Variants in FGD6 observed in about 807,000 individuals in gnomAD.
FGD6 encodes the protein FYVE, RhoGEF and PH domain-containing protein 6.
Under a neutral mutation model 149.4 loss-of-function variants are expected in FGD6, and 90 were observed. That is an observed-to-expected ratio of 0.60 (90% CI 0.51 to 0.72). The LOEUF (loss-of-function observed/expected upper bound fraction) is 0.72, where lower values mean the gene tolerates loss of function less well. Among genes scored for constraint, FGD6 ranks in the 30% least tolerant of loss-of-function variants. The pLI, the probability that FGD6 is intolerant of heterozygous loss-of-function variation, is 0.00. For missense variants in FGD6, 1,437 were observed against 1,684.8 expected, an observed-to-expected ratio of 0.85 and a Z score of 2.57; for synonymous variants, 527 against 584.0, an observed-to-expected ratio of 0.90 and a Z score of 1.41.
At chr12:95,156,326 C>T (rs1880467768) in intron 3 of FGD6, among the ~76,000 whole-genome samples, 1 of 152,148 alleles carries the variant, frequency 6.6e-6, no homozygotes, top group Non-Finnish European at 1.5e-5. Flanking sequence ...AAAGAGAATG[C>T]ATCCCTGAGG....
chr12:95,091,332 G>A (rs941501906), intron 17 of FGD6, among the ~76,000 whole-genome samples: 28 of 152,166 alleles, frequency 1.8e-4, no homozygotes, highest in African/African-American at 6.3e-4. Flanking sequence ...TTAAGCTAAC[G>A]AAGTGCCACC....
intron 9 of FGD6, among the ~76,000 whole-genome samples, chr12:95,113,427 G>A (rs1343079436): frequency 2.6e-5 from 4 of 151,752 alleles, no homozygotes; most frequent in Non-Finnish European, 1.5e-5. Context: ...GTAGAGAAGG[G>A]GTTTCACCAT....
chr12:95,146,133 T>A (rs1880009776), intron 5 of FGD6, among the ~76,000 whole-genome samples: 1 of 152,176 alleles, frequency 6.6e-6, no homozygotes, highest in Admixed American at 6.5e-5. Context: ...TGGGCCACCA[T>A]TTCCTGACAG....
At chr12:95,145,480 C>T (rs1006694912) in intron 5 of FGD6, among the ~76,000 whole-genome samples, 1 of 152,098 alleles carries the variant, frequency 6.6e-6, no homozygotes, top group Non-Finnish European at 1.5e-5. Context: ...CTGGCTGGTC[C>T]GTCTTCAGCA....
At chr12:95,083,890 T>C (rs1283912987) in intron 20 of FGD6, among the ~76,000 whole-genome samples, 1 of 152,206 alleles carries the variant, frequency 6.6e-6, no homozygotes, top group African/African-American at 2.4e-5. Flanking sequence ...AGACCTAATT[T>C]CACAGAGGTA....
At position 95,102,455 on chromosome 12, in the gene FGD6, A is replaced by AC. The variant is rs1230392606; in HGVS notation, c.3497+2551_3497+2552insG. 3.1e-4 allele frequency among the ~76,000 whole-genome samples: 46 copies of AC among 150,614 alleles called. 1 individual carries two copies. The highest frequency in any genetic ancestry group is 1.1e-3 in the African/African-American group (45 of 40,548). On this transcript the variant is annotated intron_variant, in intron 14 of 20. Transcript: ENST00000343958. ...CGAGACCCTTTCTCAAAAAAAAAAA[A>AC]AAAAAAAAAAAACACAACAACAATA...
intron 5 of FGD6, among the ~76,000 whole-genome samples, chr12:95,148,494 A>AATATAATATATAGCATATATTATATATT (rs1880079898): frequency 1.8e-5 from 2 of 110,698 alleles, no homozygotes; most frequent in Non-Finnish European, 3.8e-5. Context: ...ATATATATAT[A>AATATAATATATAGCATATATTATATATT]ATATAATATA....
At chr12:95,131,028 C>G (rs1197981962) in intron 8 of FGD6, among the ~76,000 whole-genome samples, 4 of 150,870 alleles carry the variant, frequency 2.7e-5, no homozygotes, top group African/African-American at 9.8e-5. Context: ...TTGTGCCTTT[C>G]TTTTTAGGAG....
intron 15 of FGD6, among the ~76,000 whole-genome samples, chr12:95,093,097 T>C (rs1177449680): frequency 2.0e-5 from 3 of 152,118 alleles, no homozygotes. Context: ...GGCGGGTGCC[T>C]GTGATCCCAG....
rs9943704 is a variant in FGD6 at position 95,083,034 on chromosome 12, C to T, written c.4256+1464G>A. On this transcript the variant is annotated intron_variant, in intron 20 of 20. Coordinates refer to ENST00000343958, the MANE Select transcript of FGD6 (RefSeq NM_018351.4). ...AAAAATATATATATATATATATACA[C>T]ACACATACACACACACACACACACA... Among the ~76,000 whole-genome samples, 203 of 69,522 alleles carry T rather than the reference C, an allele frequency of 2.9e-3. 3 individuals carry two copies. Among genetic ancestry groups the T allele is most frequent in the African/African-American group, 9.3e-3 (154 of 16,500 alleles). 45.6% of individuals were successfully genotyped at this position (69,522 alleles called of 152,430 possible). A position where few individuals can be genotyped will look rare whatever the true frequency, so the allele number is the denominator to read the frequency against.
Position 95,217,207 on chromosome 12 carries a change from G to A in FGD6, c.16+18C>T, listed in dbSNP as rs1476137781. 2.5e-6 allele frequency: 4 copies of A among 1,612,228 alleles called. No individual in the cohort carries two copies. Among genetic ancestry groups the A allele is most frequent in the Non-Finnish European group, 3.4e-6 (4 of 1,178,920 alleles). On this transcript the variant is annotated intron_variant, in intron 1 of 20. Transcript: ENST00000343958. ...TCGCCACAAACTTTCCCGCGGCAGC[G>A]CGAGCGCCGTCACTTACCGGCTGCA...
At position 95,127,284 on chromosome 12, in the gene FGD6, G is replaced by A. The variant is rs192760946; in HGVS notation, c.3082+7455C>T. Among the ~76,000 whole-genome samples, 150 of 152,284 alleles carry A rather than the reference G, an allele frequency of 9.9e-4. 2 individuals carry two copies. Among genetic ancestry groups the A allele is most frequent in the African/African-American group, 3.5e-3 (144 of 41,548 alleles). The stretch of plus-strand genomic sequence containing the variant: ...TTAGCGGCTGGGCGTGGTGGCTCAC[G>A]CCTGTAATCCCAGCAGTTAGGGAGG... On this transcript the variant is annotated intron_variant, in intron 8 of 20. Transcript: ENST00000343958.
At chr12:95,198,085 T>C (rs1881775810) in intron 2 of FGD6, among the ~76,000 whole-genome samples, 1 of 152,212 alleles carries the variant, frequency 6.6e-6, no homozygotes, top group Non-Finnish European at 1.5e-5. Flanking sequence ...CAGAAATAGT[T>C]TGTCCCTTGT....
rs1279151435 is a variant in FGD6, at chr12:95,153,940, TGTGTGTGAGTGAGAGA to T, written c.2587-963_2587-948del. On this transcript the variant is annotated intron_variant, in intron 3 of 20. Coordinates refer to ENST00000343958, the MANE Select transcript of FGD6 (RefSeq NM_018351.4). ...GTGTGTGTGTGTGTGTGTGTGTGTG[TGTGTGTGAGTGAGAGA>T]GAGAAGAGACAGAGAGAGAGAGAGA... Among the ~76,000 whole-genome samples the T allele has an allele frequency of 2.3e-5, 3 of 131,350 alleles. No individual in the cohort carries two copies. The East Asian group carries it at 6.6e-4, about 29-fold the overall frequency. The allele number at this position is 131,350 out of a possible 152,430, so 86.2% of individuals were successfully genotyped here. A position where few individuals can be genotyped will look rare whatever the true frequency, so the allele number is the denominator to read the frequency against.
At chr12:95,088,769 C>G (rs979671839) in intron 18 of FGD6, among the ~76,000 whole-genome samples, 2 of 152,158 alleles carry the variant, frequency 1.3e-5, no homozygotes, top group Admixed American at 1.3e-4. Flanking sequence ...AGTATGGATA[C>G]GTGCTGTAAT....
In FGD6 at chr12:95,091,606, A is replaced by G. The variant is rs1261005862; in HGVS notation, c.3850+101T>C. On this transcript the variant is annotated intron_variant, in intron 17 of 20. Transcript: ENST00000343958. ...TACAAATTTGGAGATAAGTATCAAC[A>G]ATCATATTGCTAATGTACCGAAGGT... The G allele has an allele frequency of 5.9e-6, 4 of 674,794 alleles. No individual in the cohort carries two copies. In the African/African-American group the frequency reaches 7.3e-5, roughly 12 times the overall value. The allele number at this position is 674,794 out of a possible 1,614,324, so 41.8% of individuals were successfully genotyped here.
chr12:95,118,586 G>T (rs1565900655), intron 8 of FGD6, among the ~76,000 whole-genome samples: 1 of 152,184 alleles, frequency 6.6e-6, no homozygotes, highest in African/African-American at 2.4e-5. Flanking sequence ...CACCCAGTCA[G>T]ATTCCTGGAC....
rs192833724 is a variant in FGD6 at position 95,110,713 on chromosome 12, G to A, written c.3134-2152C>T. On this transcript the variant is annotated intron_variant, in intron 9 of 20. Transcript: ENST00000343958. Reference sequence around the variant, plus strand: ...TTCACAGCAGGTTCAAGAGGTTACCGTGGACACATTTCCTGCTTTCTGGCC... The same window carrying A: ...TTCACAGCAGGTTCAAGAGGTTACCATGGACACATTTCCTGCTTTCTGGCC... Among the ~76,000 whole-genome samples, 10 of 152,142 alleles carry A rather than the reference G, an allele frequency of 6.6e-5. No homozygotes were observed. The East Asian group carries it at 1.4e-3, about 21-fold the overall frequency.
intron 5 of FGD6, among the ~76,000 whole-genome samples, chr12:95,144,062 C>G (rs1879936320): frequency 6.6e-6 from 1 of 152,190 alleles, no homozygotes; most frequent in Admixed American, 6.5e-5. Flanking sequence ...TTGCCAGACC[C>G]TGCATTCCAT....
Sources: allele counts gnomAD v4.1 joint callset (sites outside exome capture counted in the v4.1 genomes callset), GRCh38; gene constraint gnomAD v4.1.1; transcripts MANE v1.5; gene names NCBI Gene and HGNC (gene_info 2026-07-23, HGNC 2026-07-21).